CUBN: variants seen among roughly 807,000 people sequenced by gnomAD.
CUBN encodes cubilin.
A neutral mutation model predicts 405.3 loss-of-function variants in CUBN; 282 were observed. That is an observed-to-expected ratio of 0.70 (90% confidence interval 0.63 to 0.77). CUBN has a LOEUF of 0.77. CUBN is among the 30% of genes least tolerant of loss of function. The pLI is 0.00. For synonymous variants in CUBN, 1,684 were observed against 1,617.0 expected, an observed-to-expected ratio of 1.04 and a Z score of -0.99; for missense variants, 4,514 against 4,475.2, an observed-to-expected ratio of 1.01 and a Z score of -0.25.
chr10:16,837,895 A>C (rs1259853897), intron 62 of CUBN, among the ~76,000 whole-genome samples: 2 of 152,178 alleles, frequency 1.3e-5, no homozygotes, highest in Non-Finnish European at 2.9e-5. Flanking sequence ...GTTATGTTTC[A>C]GACGGTGTCT....
chr10:16,935,879 C>CAAAAAAAAAAAAA (rs369098280), intron 39 of CUBN, among the ~76,000 whole-genome samples: 83 of 70,868 alleles, frequency 1.2e-3, no homozygotes, highest in African/African-American at 1.3e-3. Flanking sequence ...GACTCCATCT[C>CAAAAAAAAAAAAA]AAAAAAAAAA....
At chr10:16,969,231 G>A (rs1441295977) in intron 31 of CUBN, among the ~76,000 whole-genome samples, 2 of 141,888 alleles carry the variant, frequency 1.4e-5, no homozygotes, top group Non-Finnish European at 3.2e-5. Flanking sequence ...GAGCAGAGAT[G>A]ACAAAAATTC....
intron 48 of CUBN, among the ~76,000 whole-genome samples, chr10:16,911,601 G>A (rs1469795253): frequency 6.6e-6 from 1 of 152,146 alleles, no homozygotes; most frequent in Non-Finnish European, 1.5e-5. Context: ...GGTTGTGACT[G>A]TAACTTTTAT....
At chr10:16,918,857 T>C in intron 44 of CUBN, 57 bp from the exon 45 acceptor site, 2 of 1,449,054 alleles carry the variant, frequency 1.4e-6, no homozygotes, top group Non-Finnish European at 1.9e-6. Flanking sequence ...ATTTTGATAA[T>C]GACAACCTTA....
At chr10:17,078,053 G>T (rs1179412757) in intron 17 of CUBN, among the ~76,000 whole-genome samples, 3 of 151,992 alleles carry the variant, frequency 2.0e-5, no homozygotes, top group Non-Finnish European at 4.4e-5. Flanking sequence ...ACCTTCTCCT[G>T]CCCTCTCTTC....
At chr10:17,084,557 C>A in intron 16 of CUBN, 96 bp from the exon 17 acceptor site, 1 of 911,012 alleles carries the variant, frequency 1.1e-6, no homozygotes, top group Non-Finnish European at 1.8e-6. Context: ...CACACACACA[C>A]ACACACAAGC....
chr10:16,918,575 C>T (rs747608518), intron 45 of CUBN, 47 bp downstream of exon 45: 1 of 1,437,812 alleles, frequency 7.0e-7, no homozygotes, highest in Non-Finnish European at 9.7e-7. Flanking sequence ...AACAAATCTG[C>T]ACATGTACCC....
intron 41 of CUBN, among the ~76,000 whole-genome samples, chr10:16,926,887 T>C (rs2131584529): frequency 6.6e-6 from 1 of 151,854 alleles, no homozygotes; most frequent in Non-Finnish European, 1.5e-5. Flanking sequence ...CATGGATGAA[T>C]TGCATACTGG....
chr10:17,118,261 A>G (rs1836950619), intron 6 of CUBN, among the ~76,000 whole-genome samples: 1 of 152,212 alleles, frequency 6.6e-6, no homozygotes, highest in South Asian at 2.1e-4. Context: ...AAAGACAAGT[A>G]TTATTAATCC....
At chr10:16,945,364 T>C (rs148036849) in intron 36 of CUBN, among the ~76,000 whole-genome samples, 135 of 152,274 alleles carry the variant, frequency 8.9e-4, no homozygotes, top group African/African-American at 3.1e-3. Flanking sequence ...CTAGCACATA[T>C]TAGGAGCTTA....
At chr10:16,983,190 A>T (rs1833325258) in intron 30 of CUBN, among the ~76,000 whole-genome samples, 1 of 152,226 alleles carries the variant, frequency 6.6e-6, no homozygotes, top group South Asian at 2.1e-4. Context: ...ATGATAATAT[A>T]AGCCAATAAT....
chr10:17,012,878 T>A (rs1454238948), intron 28 of CUBN, among the ~76,000 whole-genome samples: 1 of 152,216 alleles, frequency 6.6e-6, no homozygotes, highest in Non-Finnish European at 1.5e-5. Context: ...ACCATCTATA[T>A]CCTGTCCTGA....
intron 27 of CUBN, 44 bp from the exon 28 acceptor site, chr10:17,020,027 G>A: frequency 6.2e-7 from 1 of 1,610,154 alleles, no homozygotes; most frequent in Non-Finnish European, 8.5e-7. Flanking sequence ...CACATGGTTT[G>A]TGGGATGGAA....
intron 54 of CUBN, among the ~76,000 whole-genome samples, chr10:16,895,705 T>G (rs1405970928): frequency 6.6e-6 from 1 of 152,196 alleles, no homozygotes; most frequent in East Asian, 1.9e-4. Context: ...GATATAAATA[T>G]ATCCACTCCT....
At chr10:16,965,950 T>C in intron 31 of CUBN, 1 of 471,164 alleles carries the variant, frequency 2.1e-6, no homozygotes. Context: ...ACCCCATCTG[T>C]CTGACGTCCG....
chr10:16,972,600 G>A (rs55991441), intron 31 of CUBN, among the ~76,000 whole-genome samples: 43,292 of 151,784 alleles, frequency 0.29, 6,358 homozygotes, highest in African/African-American at 0.34. Flanking sequence ...ACTTGGCCAG[G>A]CTAATTTTTT....
chr10:17,124,378 G>A (rs147202226), intron 4 of CUBN, among the ~76,000 whole-genome samples: 1,731 of 151,942 alleles, frequency 0.011, 32 homozygotes, highest in Non-Finnish European at 0.013. Flanking sequence ...CTGCCTTTGG[G>A]TGCAGAGAAA....
At chr10:17,070,442 A>C (rs559937529) in intron 19 of CUBN, among the ~76,000 whole-genome samples, 48 of 152,276 alleles carry the variant, frequency 3.2e-4, no homozygotes, top group Middle Eastern at 3.4e-3. Flanking sequence ...TTGAATCTTT[A>C]GCTCACTTTA....
chr10:17,111,192 GT>G, intron 8 of CUBN, 142 bp from the exon 9 acceptor site: 1 of 991,458 alleles, frequency 1.0e-6, no homozygotes, highest in Non-Finnish European at 1.5e-6. Context: ...ATTGGCAAAA[GT>G]TGTTTTGAAT....
Sources: gnomAD v4.1 joint callset for allele counts (sites outside exome capture counted in the v4.1 genomes callset) on GRCh38, gnomAD v4.1.1 for gene constraint, MANE v1.5 for transcripts, NCBI Gene and HGNC (gene_info 2026-07-23, HGNC 2026-07-21) for gene names.